The following ZNF804B variants were observed in gnomAD, a reference collection of about 807,000 sequenced individuals.
ZNF804B encodes zinc finger 804B.
A neutral mutation model predicts 101.4 loss-of-function variants in ZNF804B; 80 were observed. The observed-to-expected ratio is 0.79, with a 90% CI of 0.66 to 0.95. The LOEUF (loss-of-function observed/expected upper bound fraction) is 0.95. ZNF804B is among the 40% of genes least tolerant of loss of function. ZNF804B has a pLI of 0.00. For synonymous variants in ZNF804B, 622 were observed against 558.8 expected (o/e 1.11, Z -1.59); for missense variants, 1,673 against 1,561.9 (o/e 1.07, Z -1.20).
At position 88,933,948 on chromosome 7, in the gene ZNF804B, C is replaced by A. The variant is rs574120986; in HGVS notation, c.108+173864C>A. ...TATTAAACCAAAAAAAAAAAAAAAGCCCACATAGCCAAAGCAATACTAAGG... is the reference window on the plus strand; with the variant it reads ...TATTAAACCAAAAAAAAAAAAAAAGACCACATAGCCAAAGCAATACTAAGG... On this transcript the variant is annotated intron_variant, in intron 1 of 3. Transcript: ENST00000333190. Among the ~76,000 whole-genome samples the A allele has an allele frequency of 6.9e-5, 10 of 145,400 alleles. No individual in the cohort carries two copies. In the East Asian group the frequency reaches 2.0e-3, roughly 29 times the overall value.
rs568112845 is a variant in ZNF804B, at chr7:89,158,409, G to A, written c.109-59746G>A. 1.4e-4 allele frequency among the ~76,000 whole-genome samples: 22 copies of A among 152,022 alleles called. No individual in the cohort carries two copies. The South Asian group carries it at 3.5e-3, about 24-fold the overall frequency. ...CACACCCATTCCCTGACCATATCCC[G>A]TTAGCTTCATCTCTGAAATACTTCT... On this transcript the variant is annotated intron_variant, in intron 1 of 3. Transcript: ENST00000333190.
chr7:89,064,660 C>T (rs374821375), intron 1 of ZNF804B, among the ~76,000 whole-genome samples: 35 of 152,230 alleles, frequency 2.3e-4, no homozygotes, highest in African/African-American at 8.4e-4. Flanking sequence ...TCTGGTGGGG[C>T]ATGTCATGTG....
intron 2 of ZNF804B, among the ~76,000 whole-genome samples, chr7:89,290,391 G>T (rs996410804): frequency 2.1e-4 from 32 of 152,130 alleles, no homozygotes. Flanking sequence ...CCACAATGGA[G>T]TATAGCAAAA....
intron 1 of ZNF804B, among the ~76,000 whole-genome samples, chr7:88,964,553 C>T (rs1484992752): frequency 6.6e-6 from 1 of 151,194 alleles, no homozygotes; most frequent in Non-Finnish European, 1.5e-5. Flanking sequence ...TTGTTTTATG[C>T]ATACAGAGTT....
chr7:89,170,703 G>A (rs892392458), intron 1 of ZNF804B, among the ~76,000 whole-genome samples: 3 of 152,096 alleles, frequency 2.0e-5, no homozygotes, highest in African/African-American at 7.2e-5. Context: ...TTGGTGGTAG[G>A]TTTGTAAAGA....
rs13306907 is a variant in ZNF804B at position 89,219,973 on chromosome 7, G to A, written c.249+1678G>A. Among the ~76,000 whole-genome samples, 147 of 81,686 alleles carry A rather than the reference G, an allele frequency of 1.8e-3. 8 individuals carry two copies. Among genetic ancestry groups the A allele is most frequent in the African/African-American group, 7.2e-3 (138 of 19,042 alleles). 53.6% of individuals were successfully genotyped at this position (81,686 alleles called of 152,430 possible). ...TATACATATATGTGTGCATATATAT[G>A]TATATACATATGTGTGCATATATGT... On this transcript the variant is annotated intron_variant, in intron 2 of 3. Coordinates refer to ENST00000333190, the MANE Select transcript of ZNF804B (RefSeq NM_181646.5).
At chr7:89,159,180 T>TA (rs909025411) in intron 1 of ZNF804B, among the ~76,000 whole-genome samples, 3 of 152,098 alleles carry the variant, frequency 2.0e-5, no homozygotes, top group Non-Finnish European at 4.4e-5. Context: ...AGTTGCAAAA[T>TA]AAAAGATGAA....
chr7:88,825,212 C>A (rs1791036279), intron 1 of ZNF804B, among the ~76,000 whole-genome samples: 1 of 152,052 alleles, frequency 6.6e-6, no homozygotes, highest in Non-Finnish European at 1.5e-5. Flanking sequence ...AATCACATTG[C>A]TCAAAATATC....
At chr7:89,260,768 A>G (rs1035401152) in intron 2 of ZNF804B, among the ~76,000 whole-genome samples, 7 of 152,150 alleles carry the variant, frequency 4.6e-5, no homozygotes, top group African/African-American at 1.7e-4. Flanking sequence ...TGTCTTTACC[A>G]TGGTTCTTAT....
At chr7:89,197,978 C>A (rs984885297) in intron 1 of ZNF804B, among the ~76,000 whole-genome samples, 1 of 151,794 alleles carries the variant, frequency 6.6e-6, no homozygotes, top group African/African-American at 2.4e-5. Context: ...ACATACAGAT[C>A]TGGCCATTAA....
chr7:88,768,234 T>C (rs756418065), intron 1 of ZNF804B, among the ~76,000 whole-genome samples: 5 of 152,196 alleles, frequency 3.3e-5, no homozygotes, highest in Non-Finnish European at 7.3e-5. Flanking sequence ...GTCATTGACT[T>C]CAATGTTTAG....
intron 1 of ZNF804B, among the ~76,000 whole-genome samples, chr7:88,837,572 A>G (rs1791232571): frequency 6.6e-6 from 1 of 152,004 alleles, no homozygotes; most frequent in Admixed American, 6.6e-5. Context: ...ATAACAGTAT[A>G]ATGTAACAGG....
intron 2 of ZNF804B, among the ~76,000 whole-genome samples, chr7:89,263,903 A>C (rs1209703766): frequency 6.6e-6 from 1 of 152,188 alleles, no homozygotes; most frequent in East Asian, 1.9e-4. Context: ...TGAAATAATA[A>C]ATTTCTCTTG....
At chr7:88,782,215 C>A (rs1363443179) in intron 1 of ZNF804B, among the ~76,000 whole-genome samples, 1 of 151,712 alleles carries the variant, frequency 6.6e-6, no homozygotes, top group Non-Finnish European at 1.5e-5. Flanking sequence ...ATCTGTATCT[C>A]ACTCAGGGAA....
chr7:89,279,058 G>A (rs923158963), intron 2 of ZNF804B, among the ~76,000 whole-genome samples: 1 of 152,160 alleles, frequency 6.6e-6, no homozygotes, highest in African/African-American at 2.4e-5. Flanking sequence ...CCTTGAAGAG[G>A]TCCTTCACAT....
At chr7:89,083,591 TTACTCA>T (rs1330406572) in intron 1 of ZNF804B, among the ~76,000 whole-genome samples, 7 of 151,904 alleles carry the variant, frequency 4.6e-5, no homozygotes, top group African/African-American at 1.7e-4. Flanking sequence ...TGAATAATAC[TTACTCA>T]TACTCAAGCA....
intron 2 of ZNF804B, among the ~76,000 whole-genome samples, chr7:89,223,036 A>C (rs1469305986): frequency 6.6e-6 from 1 of 151,876 alleles, no homozygotes; most frequent in African/African-American, 2.4e-5. Flanking sequence ...ATATTTTTTC[A>C]AATTTCAAAG....
chr7:88,877,006 AAATATATATATATATATAT>A (rs1263418725), intron 1 of ZNF804B, among the ~76,000 whole-genome samples: 2 of 84,298 alleles, frequency 2.4e-5, no homozygotes, highest in African/African-American at 9.2e-5. Flanking sequence ...TTGAAAAAAA[AAATATATATATATATATAT>A]AATATATATA....
At chr7:88,863,236 C>A (rs368755872) in intron 1 of ZNF804B, among the ~76,000 whole-genome samples, 18 of 152,312 alleles carry the variant, frequency 1.2e-4, no homozygotes, top group African/African-American at 4.1e-4. Flanking sequence ...CCCCCGAACC[C>A]TACCTCGGCT....
Sources: gnomAD v4.1 joint callset for allele counts (sites outside exome capture counted in the v4.1 genomes callset) on GRCh38, gnomAD v4.1.1 for gene constraint, MANE v1.5 for transcripts, NCBI Gene and HGNC (gene_info 2026-07-23, HGNC 2026-07-21) for gene names.